Variants in TRIOBP observed in about 807,000 individuals in gnomAD.
TRIOBP encodes TRIO and F-actin binding protein.
A neutral mutation model predicts 238.8 loss-of-function variants in TRIOBP; 169 were observed. That is an observed-to-expected ratio of 0.71 (90% CI 0.62 to 0.80). The LOEUF is 0.80. TRIOBP is among the 30% of genes least tolerant of loss of function. TRIOBP has a pLI of 0.00. For synonymous variants in TRIOBP, 1,150 were observed against 1,274.4 expected (o/e 0.90, Z 2.08); for missense variants, 2,838 against 3,122.6 (o/e 0.91, Z 2.17).
In TRIOBP at chr22:37,772,669, T is replaced by G; in HGVS notation, c.7005T>G (p.Ser2335=). The G allele has an allele frequency of 6.2e-7, 1 of 1,614,154 alleles. No homozygotes were observed. Among genetic ancestry groups the G allele is most frequent in the South Asian group, 1.1e-5 (1 of 91,082 alleles). ...AGCTGAGCCACATCAAGACACGGTC[T>G]GAGCGGGAGATCGAGCAGCTGAAGG... is the stretch of plus-strand genomic sequence containing the variant. The part of the protein sequence containing the change: ...YVELSHIKTR[S]EREIEQLKEH... The change falls in exon 23 of 24, where the codon TCT becomes TCG. Residue 2335 remains serine (S), a synonymous_variant. Transcript: ENST00000644935.
Position 37,731,908 on chromosome 22 carries a change from GGTGTCGTTCCA to G in TRIOBP, c.3948-1388_3948-1378del, listed in dbSNP as rs558114382. On this transcript the variant is annotated intron_variant, in intron 7 of 23. Coordinates refer to ENST00000644935, the MANE Select transcript of TRIOBP (RefSeq NM_001039141.3). ...CCCTGCCCAATCCCATACTTTTGAA[GGTGTCGTTCCA>G]GCATGGCTCCTCAGGCACAGGCCCA... Among the ~76,000 whole-genome samples, 509 of 152,356 alleles carry G rather than the reference GGTGTCGTTCCA, an allele frequency of 3.3e-3. 1 individual carries two copies. Among genetic ancestry groups the G allele is most frequent in the Middle Eastern group, 0.027 (8 of 294 alleles).
chr22:37,698,389 G>C (rs1160319618), intron 2 of TRIOBP, among the ~76,000 whole-genome samples: 1 of 99,598 alleles, frequency 1.0e-5, no homozygotes, highest in Non-Finnish European at 1.8e-5. Context: ...GAGACACACT[G>C]TTGCCCAGGC....
At chr22:37,699,346 G>A (rs1227285601) in intron 2 of TRIOBP, among the ~76,000 whole-genome samples, 8 of 151,980 alleles carry the variant, frequency 5.3e-5, no homozygotes, top group African/African-American at 7.3e-5. Flanking sequence ...GTATGATCCA[G>A]TGCTCCTCAC....
rs556217331 is a variant in TRIOBP at position 37,747,367 on chromosome 22, C to T, written c.5323-4405C>T. Reference sequence around the variant, plus strand: ...AGGGAGGCTCTGACAGCCCAGTGGCCCTCCTGGGGGAGGATGAGCAGGGTG... The same window carrying T: ...AGGGAGGCTCTGACAGCCCAGTGGCTCTCCTGGGGGAGGATGAGCAGGGTG... On this transcript the variant is annotated intron_variant, in intron 11 of 23. Transcript: ENST00000644935. Among the ~76,000 whole-genome samples, 13 of 152,306 alleles carry T rather than the reference C, an allele frequency of 8.5e-5. No homozygotes were observed. In the South Asian group the frequency reaches 2.5e-3, roughly 29 times the overall value.
rs1924084907 is a variant in TRIOBP, at chr22:37,725,423, C to T, written c.2867C>T (p.Ala956Val). Residue 956 changes from alanine to valine, a missense_variant, in exon 7 of 24, where the codon GCC becomes GTC. This residue lies in a region of TRIOBP where 2,096 missense variants were observed against 2,137.4 expected (regional missense o/e 0.98). Coordinates refer to ENST00000644935, the MANE Select transcript of TRIOBP (RefSeq NM_001039141.3). ...RPQTSSPSRP[A>V]QHDPPQSSFG... ...CAGACATCCTCTCCCAGCAGGCCAGCCCAGCATGACCCACCCCAGTCCTCC... is the reference window on the plus strand; with the variant it reads ...CAGACATCCTCTCCCAGCAGGCCAGTCCAGCATGACCCACCCCAGTCCTCC... 6.2e-7 allele frequency: 1 copy of T among 1,610,098 alleles called. No homozygotes were observed. Among genetic ancestry groups the T allele is most frequent in the Non-Finnish European group, 8.5e-7 (1 of 1,177,596 alleles).
chr22:37,707,358 C>T (rs562139251), intron 3 of TRIOBP, among the ~76,000 whole-genome samples: 1 of 152,298 alleles, frequency 6.6e-6, no homozygotes, highest in South Asian at 2.1e-4. Flanking sequence ...TGCCTGTGCA[C>T]TCCTCTGCCA....
In TRIOBP at chr22:37,710,566, G is replaced by A. The variant is rs750657153; in HGVS notation, c.254G>A (p.Arg85Lys). Residue 85 changes from arginine to lysine, a missense_variant and splice_region_variant, in exon 4 of 24, where the codon AGG (arginine) becomes AAG (lysine). Physicochemically the swap from Arg to Lys is conservative, Grantham distance 26. Around this residue, in one of 5 missense-constraint regions of TRIOBP, gnomAD observed 535 missense variants for 537.3 expected, o/e 1.00. Transcript: ENST00000644935. ...CCAGGCCTCAGGCCAGGGCCCAAGA[G>A]GTGGGTAGAGTCCCAGGGCCCAGGA... is the stretch of plus-strand genomic sequence containing the variant. ...VDPGLRPGPK[R>K]GPSPSAGLPE... 5.0e-6 allele frequency: 8 copies of A among 1,609,506 alleles called. No homozygotes were observed. In the South Asian group the frequency reaches 6.6e-5, roughly 13 times the overall value.
At chr22:37,698,641 C>T (rs1922480793) in intron 2 of TRIOBP, among the ~76,000 whole-genome samples, 1 of 152,028 alleles carries the variant, frequency 6.6e-6, no homozygotes, top group South Asian at 2.1e-4. Context: ...GCGTGAGCCA[C>T]CGCACCTGGC....
chr22:37,726,316 G>A lies in TRIOBP; in HGVS notation c.3760G>A (p.Gly1254Ser). 1 of 1,612,728 alleles carries A rather than the reference G, an allele frequency of 6.2e-7. No homozygotes were observed. The highest frequency in any genetic ancestry group is 8.5e-7 in the Non-Finnish European group (1 of 1,179,894). The change falls in exon 7 of 24, where the codon GGC becomes AGC. Residue 1254 changes from glycine to serine, a missense_variant. By Grantham distance (56) the Gly-to-Ser change is moderately conservative (BLOSUM62 0). Around this residue, in one of 5 missense-constraint regions of TRIOBP, gnomAD observed 2,096 missense variants for 2,137.4 expected, o/e 0.98. Transcript: ENST00000644935. ...PSPGSSGGSR[G>S]SAPPGETRHN... The stretch of plus-strand genomic sequence containing the variant: ...ACCGGGCAGCTCTGGGGGCTCCCGG[G>A]GCTCAGCGCCTCCCGGGGAGACCAG...
intron 9 of TRIOBP, 143 bp from the exon 10 acceptor site, chr22:37,738,499 T>C: frequency 2.6e-6 from 2 of 775,150 alleles, no homozygotes. Context: ...CACTGGATGG[T>C]TGGATGGATA....
intron 6 of TRIOBP, among the ~76,000 whole-genome samples, chr22:37,717,300 A>C (rs1923571706): frequency 6.6e-6 from 1 of 152,204 alleles, no homozygotes; most frequent in Admixed American, 6.5e-5. Context: ...TGTGGACCCA[A>C]AGAGTGAGCA....
chr22:37,723,212 G>C lies in TRIOBP; in HGVS notation c.656G>C (p.Gly219Ala). 1 of 1,613,838 alleles carries C rather than the reference G, an allele frequency of 6.2e-7. No homozygotes were observed. The highest frequency in any genetic ancestry group is 8.5e-7 in the Non-Finnish European group (1 of 1,179,882). ...ACCGGCGGTGGGGGCCGGAGCGCAG[G>C]ACAGCACTGGGCAAGGCTCCGGGGA... is the stretch of plus-strand genomic sequence containing the variant. ...EDTGGGGRSA[G>A]QHWARLRGES... Residue 219 changes from glycine (G) to alanine (A), a missense_variant, in exon 7 of 24, where the codon GGA becomes GCA. Physicochemically the swap from Gly to Ala is moderately conservative, Grantham distance 60. Around this residue, in one of 5 missense-constraint regions of TRIOBP, gnomAD observed 535 missense variants for 537.3 expected, o/e 1.00. Coordinates refer to ENST00000644935, the MANE Select transcript of TRIOBP (RefSeq NM_001039141.3).
intron 16 of TRIOBP, among the ~76,000 whole-genome samples, chr22:37,758,451 G>A (rs1303170862): frequency 1.3e-5 from 2 of 152,150 alleles, no homozygotes; most frequent in Non-Finnish European, 2.9e-5. Context: ...AAGGTGGGAG[G>A]GTCCCTTGAA....
At chr22:37,716,452 A>G (rs1923524308) in intron 6 of TRIOBP, among the ~76,000 whole-genome samples, 1 of 148,682 alleles carries the variant, frequency 6.7e-6, no homozygotes, top group South Asian at 2.1e-4. Context: ...ATTTTGAGAT[A>G]AGAGTCTCAC....
At chr22:37,768,505 T>A (rs2145881154) in intron 19 of TRIOBP, among the ~76,000 whole-genome samples, 1 of 152,212 alleles carries the variant, frequency 6.6e-6, no homozygotes, top group Middle Eastern at 3.4e-3. Context: ...ATGTTGAGGT[T>A]TCAGGGGCTT....
chr22:37,723,535 G>C lies in TRIOBP; in HGVS notation c.979G>C (p.Glu327Gln). The C allele has an allele frequency of 6.2e-7, 1 of 1,610,058 alleles. No individual in the cohort carries two copies. The highest frequency in any genetic ancestry group is 8.5e-7 in the Non-Finnish European group (1 of 1,178,632). Residue 327 changes from glutamate to glutamine, a missense_variant, in exon 7 of 24, where the codon GAG becomes CAG. By Grantham distance (29) the Glu-to-Gln change is conservative. Coordinates refer to ENST00000644935, the MANE Select transcript of TRIOBP (RefSeq NM_001039141.3). ...CACCCCTAGGGCCTCATCCACCCAAGAGGACACCCCCAGGGCCTCATCTAC... is the reference window on the plus strand; with the variant it reads ...CACCCCTAGGGCCTCATCCACCCAACAGGACACCCCCAGGGCCTCATCTAC... ...EDTPRASSTQEDTPRASSTQW... is the reference protein window; with the variant it reads ...EDTPRASSTQQDTPRASSTQW...
In TRIOBP at chr22:37,757,908, A is replaced by C; in HGVS notation, c.5983A>C (p.Ser1995Arg). The change falls in exon 16 of 24, where the codon AGC becomes CGC. Residue 1995 changes from serine (S) to arginine (R), a missense_variant. Ser to Arg is a moderately radical substitution (Grantham distance 110, BLOSUM62 -1). This residue lies in a region of TRIOBP where 2,096 missense variants were observed against 2,137.4 expected (regional missense o/e 0.98). Transcript: ENST00000644935. ...ERRKWFEATD[S>R]RTPEVPAGEG... ...GCGCAAGTGGTTTGAGGCCACAGAC[A>C]GCAGGACCCCAGAGGTGCCTGCTGG... 6.4e-7 allele frequency: 1 copy of C among 1,553,678 alleles called. No homozygotes were observed.
intron 6 of TRIOBP, among the ~76,000 whole-genome samples, chr22:37,722,593 G>A (rs1028097883): frequency 6.6e-6 from 1 of 151,946 alleles, no homozygotes; most frequent in African/African-American, 2.4e-5. Flanking sequence ...TGGGCATGGT[G>A]GCGCATGCCT....
chr22:37,749,824 G>T (rs561733490), intron 11 of TRIOBP, among the ~76,000 whole-genome samples: 15 of 151,578 alleles, frequency 9.9e-5, no homozygotes, highest in African/African-American at 3.6e-4. Flanking sequence ...GCATGGTGGA[G>T]TGCTTATGTC....
Sources: gnomAD v4.1 joint callset for allele counts (sites outside exome capture counted in the v4.1 genomes callset) on GRCh38, gnomAD v4.1.1 for gene constraint, gnomAD v4.1.1 regional missense constraint, MANE v1.5 for transcripts, NCBI Gene and HGNC (gene_info 2026-07-23, HGNC 2026-07-21) for gene names.